The following TENM1 variants were observed in gnomAD, a reference collection of about 807,000 sequenced individuals.
The protein encoded by TENM1 is teneurin transmembrane protein 1, also known as teneurin-1.
A neutral mutation model predicts 174.8 loss-of-function variants in TENM1; 35 were observed. The observed-to-expected ratio is 0.20, with a 90% CI of 0.15 to 0.27. TENM1 has a LOEUF of 0.27. TENM1 is among the 10% of genes least tolerant of loss of function. The pLI is 1.00. For missense variants in TENM1, 1,633 were observed against 2,130.1 expected (o/e 0.77, Z 4.59); for synonymous variants, 781 against 798.7 (o/e 0.98, Z 0.37).
Position 124,598,988 on chromosome X carries a change from A to G in TENM1, c.2078-33428T>C, listed in dbSNP as rs189647034. On this transcript the variant is annotated intron_variant, in intron 11 of 31. Transcript: ENST00000422452. ...CTCTGATGTGATTATTATACACTGCATGCCTGTATCAAGATATCTTTTGCA... is the reference window on the plus strand; with the variant it reads ...CTCTGATGTGATTATTATACACTGCGTGCCTGTATCAAGATATCTTTTGCA... Among the ~76,000 whole-genome samples the G allele has an allele frequency of 2.3e-4, 26 of 111,662 alleles. No homozygotes were observed. The East Asian group carries it at 7.3e-3, about 31-fold the overall frequency.
chrX:124,879,353 A>G (rs1453878972), intron 3 of TENM1, among the ~76,000 whole-genome samples: 1 of 112,198 alleles, frequency 8.9e-6, no homozygotes, highest in Non-Finnish European at 1.9e-5. Flanking sequence ...AAACCTCCAC[A>G]TATGGGTGAG....
the TENM1 span, among the ~76,000 whole-genome samples, chrX:125,072,096 C>A: frequency 9.0e-6 from 1 of 110,762 alleles, no homozygotes; most frequent in African/African-American, 3.3e-5. Context: ...TATCGGGTTT[C>A]CTTTTTCTCA....
chrX:125,026,217 T>C, the TENM1 span, among the ~76,000 whole-genome samples: 1 of 106,988 alleles, frequency 9.3e-6, no homozygotes, highest in Admixed American at 9.9e-5. Context: ...AAAACCCTAA[T>C]ACTCAAGAGA....
the TENM1 span, among the ~76,000 whole-genome samples, chrX:125,069,616 G>A: frequency 9.1e-6 from 1 of 110,304 alleles, no homozygotes; most frequent in Non-Finnish European, 1.9e-5. Context: ...GGGAATACAG[G>A]GGAGGGAGAG....
Position 124,520,641 on chromosome X carries a change from T to C in TENM1, c.3177A>G (p.Thr1059=), listed in dbSNP as rs143849065. 1.5e-3 allele frequency: 1,792 copies of C among 1,209,047 alleles called. 23 individuals carry two copies. In the African/African-American group the frequency reaches 0.027, roughly 18 times the overall value. Residue 1059 remains threonine (T), a synonymous_variant, in exon 18 of 32, where the codon ACA becomes ACG. Transcript: ENST00000422452. The stretch of plus-strand genomic sequence containing the variant: ...GTGTGAGTCGCCCTTCCACAGCTAC[T>C]GTGAGGTGTACTTTTATCATGCCTA...
intron 11 of TENM1, among the ~76,000 whole-genome samples, chrX:124,589,490 T>C (rs2049674008): frequency 9.0e-6 from 1 of 110,585 alleles, no homozygotes; most frequent in Non-Finnish European, 1.9e-5. Context: ...TTCAGTAGAA[T>C]TGGTACCAGC....
At chrX:124,410,757 A>C (rs2060523080) in intron 25 of TENM1, among the ~76,000 whole-genome samples, 1 of 112,337 alleles carries the variant, frequency 8.9e-6, no homozygotes, top group Non-Finnish European at 1.9e-5. Context: ...GCCAAAAGAC[A>C]CATGAAAAAA....
chrX:124,395,752 C>A (rs1010850388), intron 27 of TENM1, among the ~76,000 whole-genome samples: 5 of 112,067 alleles, frequency 4.5e-5, no homozygotes, highest in African/African-American at 1.6e-4. Context: ...TGTTCTTGAA[C>A]TACCCTTCCT....
At chrX:124,588,211 A>G (rs967822636) in intron 11 of TENM1, among the ~76,000 whole-genome samples, 9 of 111,583 alleles carry the variant, frequency 8.1e-5, no homozygotes, top group Admixed American at 2.9e-4. Context: ...AAAGGACTAT[A>G]AATCATGCTG....
chrX:124,629,799 C>T (rs2050717789), intron 11 of TENM1, among the ~76,000 whole-genome samples: 1 of 112,029 alleles, frequency 8.9e-6, no homozygotes, highest in Admixed American at 9.5e-5. Flanking sequence ...TCCCAGGATC[C>T]TTCCCCATAT....
chrX:125,088,233 C>T, the TENM1 span, among the ~76,000 whole-genome samples: 1 of 111,411 alleles, frequency 9.0e-6, no homozygotes, highest in Non-Finnish European at 1.9e-5. Flanking sequence ...TTTCATAAAA[C>T]ACCTAATCAG....
the TENM1 span, among the ~76,000 whole-genome samples, chrX:125,103,570 G>A: frequency 9.0e-6 from 1 of 111,604 alleles, no homozygotes; most frequent in Non-Finnish European, 1.9e-5. Context: ...GATATTAAGG[G>A]GGTTGCTCTA....
At chrX:125,188,351 G>A in the TENM1 span, among the ~76,000 whole-genome samples, 1 of 108,563 alleles carries the variant, frequency 9.2e-6, no homozygotes, top group Non-Finnish European at 1.9e-5. Flanking sequence ...ATGACAGAGC[G>A]AGACTTTCTC....
the TENM1 span, among the ~76,000 whole-genome samples, chrX:125,051,439 A>C: frequency 9.0e-6 from 1 of 110,689 alleles, no homozygotes; most frequent in Admixed American, 9.6e-5. Context: ...CCTGACTTCA[A>C]ACTATACTAC....
At chrX:125,132,645 A>G in the TENM1 span, among the ~76,000 whole-genome samples, 2 of 111,937 alleles carry the variant, frequency 1.8e-5, no homozygotes, top group East Asian at 5.7e-4. Context: ...TATCTCATTA[A>G]ATATCCACAA....
intron 23 of TENM1, among the ~76,000 whole-genome samples, chrX:124,432,896 C>CA (rs2060796064): frequency 8.9e-6 from 1 of 112,491 alleles, no homozygotes; most frequent in African/African-American, 3.2e-5. Context: ...GGAGAGCTGA[C>CA]CCAAGTGGAA....
chrX:124,569,228 A>G (rs2049004374), intron 11 of TENM1, among the ~76,000 whole-genome samples: 1 of 111,679 alleles, frequency 9.0e-6, no homozygotes, highest in Non-Finnish European at 1.9e-5. Flanking sequence ...AAAACCCAAC[A>G]CTGAAGAAAG....
chrX:124,706,980 C>T (rs1036852884), intron 4 of TENM1, among the ~76,000 whole-genome samples: 2 of 98,504 alleles, frequency 2.0e-5, no homozygotes, highest in Non-Finnish European at 4.0e-5. Context: ...GACGGAGTCT[C>T]GCTGTCACCC....
At chrX:124,472,483 A>T (rs2075421240) in intron 22 of TENM1, among the ~76,000 whole-genome samples, 1 of 106,727 alleles carries the variant, frequency 9.4e-6, no homozygotes, top group East Asian at 2.9e-4. Flanking sequence ...CTGAGTAGTG[A>T]CATCTATAAA....
Sources: allele counts gnomAD v4.1 joint callset (sites outside exome capture counted in the v4.1 genomes callset), GRCh38; gene constraint gnomAD v4.1.1; transcripts MANE v1.5; gene names NCBI Gene and HGNC (gene_info 2026-07-23, HGNC 2026-07-21).